Variants in SMARCA4 observed in about 807,000 individuals in gnomAD.
SMARCA4 encodes SWI/SNF-related matrix-associated actin-dependent regulator of chromatin subfamily A member 4.
A neutral mutation model predicts 193.9 loss-of-function variants in SMARCA4; 31 were observed. The ratio of observed to expected loss-of-function variants is 0.16; its 90% CI spans 0.12 to 0.22. The LOEUF is 0.22. SMARCA4 is among the 10% of genes least tolerant of loss of function. The pLI is 1.00. For synonymous variants in SMARCA4, 942 were observed against 933.1 expected (o/e 1.01, Z -0.17); for missense variants, 1,148 against 2,296.0 (o/e 0.50, Z 10.22).
In SMARCA4 at chr19:10,984,121, C is replaced by A. The variant is rs2145719321; in HGVS notation, c.-31C>A. 3 of 1,613,398 alleles carry A rather than the reference C, an allele frequency of 1.9e-6. No individual in the cohort carries two copies. Among genetic ancestry groups the A allele is most frequent in the Non-Finnish European group, 2.5e-6 (3 of 1,179,814 alleles). On this transcript the variant is annotated splice_region_variant and 5_prime_UTR_variant, in exon 2 of 35. Transcript: ENST00000344626. The surrounding 1 kb of genome is among the most constrained non-coding windows in gnomAD (Gnocchi z 4.3). Reference sequence around the variant, plus strand: ...CAGACTGACCAGGACTGTCTTCCAGCAGGAGGCCACTGTCTGCAGCTCCCG... The same window carrying A: ...CAGACTGACCAGGACTGTCTTCCAGAAGGAGGCCACTGTCTGCAGCTCCCG...
chr19:11,057,073 C>T (rs1009087276), intron 30 of SMARCA4, among the ~76,000 whole-genome samples: 12 of 152,238 alleles, frequency 7.9e-5, no homozygotes, highest in African/African-American at 2.9e-4. Context: ...AAGCTCAGCT[C>T]CTCCTTCCCA....
chr19:11,053,451 C>CA (rs34525605), intron 30 of SMARCA4, among the ~76,000 whole-genome samples: 8,686 of 64,100 alleles, frequency 0.14, 633 homozygotes, highest in African/African-American at 0.27. Context: ...GACTCCGTCT[C>CA]AAAAAAAAAA....
intron 1 of SMARCA4, among the ~76,000 whole-genome samples, chr19:10,978,989 C>T (rs1357755734): frequency 1.3e-5 from 2 of 152,038 alleles, no homozygotes; most frequent in African/African-American, 4.8e-5. Context: ...TCTCAATAGC[C>T]AGTAAGCATA....
In SMARCA4 at chr19:10,985,555, A is replaced by G. The variant is rs2085952053; in HGVS notation, c.355+150A>G. The G allele has an allele frequency of 4.1e-6, 4 of 978,052 alleles. No homozygotes were observed. The highest frequency in any genetic ancestry group is 2.0e-5 in the Admixed American group (1 of 49,862). 60.6% of individuals were successfully genotyped at this position (978,052 alleles called of 1,614,324 possible). ...GGCCCGCCACAGAGAGCTGTCTGGCATGGCGTGGCTGGTGCTCTGTTCTGG... is the reference window on the plus strand; with the variant it reads ...GGCCCGCCACAGAGAGCTGTCTGGCGTGGCGTGGCTGGTGCTCTGTTCTGG... On this transcript the variant is annotated intron_variant, in intron 3 of 34. Coordinates refer to ENST00000344626, the MANE Select transcript of SMARCA4 (RefSeq NM_003072.5). This position sits in a 1 kb window ranked among gnomAD's most constrained non-coding sequence, Gnocchi z 4.5.
intron 29 of SMARCA4, among the ~76,000 whole-genome samples, chr19:11,036,897 T>C (rs1264011854): frequency 6.6e-6 from 1 of 152,194 alleles, no homozygotes; most frequent in African/African-American, 2.4e-5. Context: ...TCCTACAGCG[T>C]GGGATGCTTT....
chr19:11,023,744 C>A, intron 20 of SMARCA4, 113 bp downstream of exon 20: 1 of 735,996 alleles, frequency 1.4e-6, no homozygotes. Context: ...CCTGGTCAAT[C>A]CAGCTTGGGG....
At chr19:10,971,237 C>T (rs1199707755) in intron 1 of SMARCA4, among the ~76,000 whole-genome samples, 1 of 152,068 alleles carries the variant, frequency 6.6e-6, no homozygotes, top group African/African-American at 2.4e-5. Flanking sequence ...TCCCACCTTC[C>T]CTGCTCCAGC....
rs1003736800 is a variant in SMARCA4 at position 11,012,189 on chromosome 19, T to C, written c.2275-760T>C. Among the ~76,000 whole-genome samples, 7 of 152,128 alleles carry C rather than the reference T, an allele frequency of 4.6e-5. No homozygotes were observed. The East Asian group carries it at 1.4e-3, about 29-fold the overall frequency. On this transcript the variant is annotated intron_variant, in intron 15 of 34. Transcript: ENST00000344626. ...GAGTTTGAGACCAGGCTGGCCAACA[T>C]GATGAGACCCTGTCTCTACCGAAAA...
At position 11,008,009 on chromosome 19, in the gene SMARCA4, G is replaced by A. The variant is rs376562928; in HGVS notation, c.2109G>A (p.Ala703=). The change falls in exon 14 of 35, where the codon GCG becomes GCA. Residue 703 remains alanine, a synonymous_variant. Coordinates refer to ENST00000344626, the MANE Select transcript of SMARCA4 (RefSeq NM_003072.5). ...GCGATGACGTCTCTGAGGTGGACGC[G>A]CGGCACATCATTGAGTAAGGGGTCC... is the stretch of plus-strand genomic sequence containing the variant. ...PDSDDVSEVD[A]RHIIENAKQD... is the part of the protein sequence containing the mutation. 67 of 1,613,184 alleles carry A rather than the reference G, an allele frequency of 4.2e-5. No homozygotes were observed. The highest frequency in any genetic ancestry group is 9.3e-5 in the African/African-American group (7 of 74,872).
At position 10,995,045 on chromosome 19, in the gene SMARCA4, C is replaced by T. The variant is rs576710004; in HGVS notation, c.1593+44C>T. The stretch of plus-strand genomic sequence containing the variant: ...GACGTGCGCTCTTCTACATGTGTAG[C>T]TGGTACTGCGGGCTCCAGGGGTCAC... On this transcript the variant is annotated intron_variant, in intron 9 of 34. Transcript: ENST00000344626. 1.6e-4 allele frequency: 243 copies of T among 1,549,968 alleles called. 3 individuals are homozygous for T. In the South Asian group the frequency reaches 2.7e-3, roughly 17 times the overall value.
Position 11,041,441 on chromosome 19 carries a change from C to G in SMARCA4, c.4305C>G (p.Asp1435Glu), listed in dbSNP as rs771071300. 1 of 1,612,598 alleles carries G rather than the reference C, an allele frequency of 6.2e-7. No individual in the cohort carries two copies. Among genetic ancestry groups the G allele is most frequent in the Non-Finnish European group, 8.5e-7 (1 of 1,179,964 alleles). The change falls in exon 30 of 35, where the codon GAC becomes GAG. Residue 1435 changes from aspartate (D) to glutamate (E), a missense_variant. Coordinates refer to ENST00000344626, the MANE Select transcript of SMARCA4 (RefSeq NM_003072.5). The surrounding 1 kb of genome is among the most constrained non-coding windows in gnomAD (Gnocchi z 5.6). The part of the protein sequence containing the change: ...TTSTRSRDKD[D>E]ESKKQKKRGR... The stretch of plus-strand genomic sequence containing the variant: ...GCACCCGCAGCCGCGACAAGGACGA[C>G]GAGAGCAAGAAGCAGAAGAAGCGCG...
chr19:11,028,772 G>C lies in SMARCA4; in HGVS notation c.3382+822G>C, dbSNP rs116589460. Among the ~76,000 whole-genome samples, 755 of 152,342 alleles carry C rather than the reference G, an allele frequency of 5.0e-3. 7 individuals carry two copies. Among genetic ancestry groups the C allele is most frequent in the African/African-American group, 0.017 (716 of 41,582 alleles). On this transcript the variant is annotated intron_variant, in intron 24 of 34. Coordinates refer to ENST00000344626, the MANE Select transcript of SMARCA4 (RefSeq NM_003072.5). ...CATGTCTGTCAGTCCCAGTGGGTCA[G>C]GGAGCCCTGGAGTGAGTTCTTCGTG... is the stretch of plus-strand genomic sequence containing the variant.
chr19:11,042,324 G>A (rs1255461242), intron 30 of SMARCA4, among the ~76,000 whole-genome samples: 2 of 152,254 alleles, frequency 1.3e-5, no homozygotes, highest in African/African-American at 4.8e-5. Context: ...AGAAAGGAAT[G>A]TTCTCAGCAA....
At chr19:11,001,507 A>G (rs764840230) in intron 11 of SMARCA4, among the ~76,000 whole-genome samples, 25 of 152,212 alleles carry the variant, frequency 1.6e-4, no homozygotes, top group Non-Finnish European at 2.6e-4. Context: ...GCCTCACTCC[A>G]GAGGAGTTCA....
At chr19:11,003,457 C>T (rs2087857212) in intron 13 of SMARCA4, 60 bp downstream of exon 13, 51 of 1,460,910 alleles carry the variant, frequency 3.5e-5, no homozygotes, top group Non-Finnish European at 4.5e-5. Flanking sequence ...GACTTCCACC[C>T]TGTGTGTTGT....
At position 10,985,690 on chromosome 19, in the gene SMARCA4, C is replaced by T. The variant is rs368101017; in HGVS notation, c.355+285C>T. ...TGCAGGGCAGCAGCCCCGTGCCACC[C>T]AGGAACTTACTGGAAATACAGATTC... is the stretch of plus-strand genomic sequence containing the variant. On this transcript the variant is annotated intron_variant, in intron 3 of 34. Coordinates refer to ENST00000344626, the MANE Select transcript of SMARCA4 (RefSeq NM_003072.5). The surrounding 1 kb of genome is among the most constrained non-coding windows in gnomAD (Gnocchi z 4.5). 2.2e-3 allele frequency among the ~76,000 whole-genome samples: 336 copies of T among 152,338 alleles called. 2 individuals are homozygous for T. The highest frequency in any genetic ancestry group is 7.7e-3 in the African/African-American group (322 of 41,576).
intron 1 of SMARCA4, among the ~76,000 whole-genome samples, chr19:10,972,882 G>A (rs1442848164): frequency 6.6e-6 from 1 of 152,214 alleles, no homozygotes; most frequent in African/African-American, 2.4e-5. Flanking sequence ...AGGCCAAAGT[G>A]GACGGATCAT....
At position 11,041,266 on chromosome 19, in the gene SMARCA4, T is replaced by C. The variant is rs748168525; in HGVS notation, c.4171-41T>C. The C allele has an allele frequency of 6.4e-7, 1 of 1,574,550 alleles. No individual in the cohort carries two copies. The highest frequency in any genetic ancestry group is 2.3e-5 in the East Asian group (1 of 44,150). ...GCGTCGCGGCCTCTGCTTGTCGACC[T>C]GGGTGCTGGCTGTCCTATTTTACTA... On this transcript the variant is annotated intron_variant, in intron 29 of 34. Transcript: ENST00000344626. The surrounding 1 kb of genome is among the most constrained non-coding windows in gnomAD (Gnocchi z 5.6).
chr19:10,992,383 C>T (rs2086633554), intron 8 of SMARCA4, among the ~76,000 whole-genome samples: 2 of 150,214 alleles, frequency 1.3e-5, no homozygotes, highest in African/African-American at 4.9e-5. Context: ...TCTCAAAGTG[C>T]TAAGATGGCA....
Sources: allele counts gnomAD v4.1 joint callset (sites outside exome capture counted in the v4.1 genomes callset), GRCh38; gene constraint gnomAD v4.1.1; non-coding constraint Gnocchi (gnomAD v3.1); transcripts MANE v1.5; gene names NCBI Gene and HGNC (gene_info 2026-07-23, HGNC 2026-07-21).